PKP2: variants seen among roughly 807,000 people sequenced by gnomAD.
PKP2 encodes the protein plakophilin-2.
In PKP2, 73 loss-of-function variants were observed where a neutral mutation model predicts 83.4. The observed-to-expected ratio is 0.88, with a 90% CI of 0.72 to 1.06. The LOEUF (loss-of-function observed/expected upper bound fraction) is 1.06. Ranked by LOEUF, PKP2 falls within the 50% of genes least tolerant of loss-of-function variation. The pLI is 0.00. For missense variants in PKP2, 966 were observed against 1,065.4 expected, an observed-to-expected ratio of 0.91 and a Z score of 1.30; for synonymous variants, 409 against 430.4, an observed-to-expected ratio of 0.95 and a Z score of 0.62.
intron 9 of PKP2, among the ~76,000 whole-genome samples, chr12:32,812,114 T>C (rs1278777964): frequency 6.2e-5 from 1 of 16,172 alleles, no homozygotes; most frequent in African/African-American, 9.4e-5. Context: ...CTGGGAGGGT[T>C]TTTTTTTTTT....
At chr12:32,890,754 T>A (rs1351521946) in intron 1 of PKP2, among the ~76,000 whole-genome samples, 1 of 151,310 alleles carries the variant, frequency 6.6e-6, no homozygotes, top group East Asian at 1.9e-4. Flanking sequence ...AGGTCAGGAG[T>A]TCGAGACCAT....
chr12:32,823,448 T>C (rs1041989647), intron 7 of PKP2, among the ~76,000 whole-genome samples: 1 of 144,716 alleles, frequency 6.9e-6, no homozygotes, highest in Non-Finnish European at 1.5e-5. Context: ...AAAAGGATTA[T>C]AAAAAGAAGG....
intron 4 of PKP2, among the ~76,000 whole-genome samples, chr12:32,862,871 C>T (rs1956813157): frequency 6.6e-6 from 1 of 151,698 alleles, no homozygotes; most frequent in South Asian, 2.1e-4. Context: ...TAGTGGCGGG[C>T]ACCTGTAATT....
chr12:32,863,896 G>A (rs1489332776), intron 4 of PKP2, among the ~76,000 whole-genome samples: 2 of 152,068 alleles, frequency 1.3e-5, no homozygotes, highest in Admixed American at 6.6e-5. Context: ...TTACACAGAC[G>A]TAAAATTTCT....
Position 32,877,946 on chromosome 12 carries a change from A to G in PKP2, c.934T>C (p.Ser312Pro), listed in dbSNP as rs756604557. 4 of 1,614,174 alleles carry G rather than the reference A, an allele frequency of 2.5e-6. No homozygotes were observed. In the East Asian group the frequency reaches 8.9e-5, roughly 36 times the overall value. Reference protein sequence around the residue: ...REAGPSVAVDSSGRRAHLTVG... With the variant: ...REAGPSVAVDPSGRRAHLTVG... ...GTCAAGTGCGCTCTCCTCCCGCTGG[A>G]ATCCACGGCGACACTGGGCCCAGCT... is the stretch of plus-strand genomic sequence containing the variant. Residue 312 changes from serine (S) to proline (P), a missense_variant, in exon 3 of 13, where the codon TCC becomes CCC. Ser to Pro is a moderately conservative substitution (Grantham distance 74). Coordinates refer to ENST00000340811, the MANE Select transcript of PKP2 (RefSeq NM_001005242.3).
chr12:32,854,354 A>G (rs1362608582), intron 4 of PKP2, among the ~76,000 whole-genome samples: 1 of 152,182 alleles, frequency 6.6e-6, no homozygotes, highest in African/African-American at 2.4e-5. Flanking sequence ...AGCTCTACTT[A>G]CTGTATAACT....
At chr12:32,875,783 C>T (rs1000941031) in intron 3 of PKP2, among the ~76,000 whole-genome samples, 7 of 152,076 alleles carry the variant, frequency 4.6e-5, no homozygotes, top group Admixed American at 2.6e-4. Flanking sequence ...AAATAGTAGA[C>T]TACAGCAGGA....
At chr12:32,856,117 C>A (rs1437950428) in intron 4 of PKP2, among the ~76,000 whole-genome samples, 1 of 152,030 alleles carries the variant, frequency 6.6e-6, no homozygotes, top group African/African-American at 2.4e-5. Context: ...AATTTCTTAT[C>A]AAAAACTTGA....
chr12:32,889,620 T>C (rs1257158318), intron 1 of PKP2, among the ~76,000 whole-genome samples: 3 of 152,226 alleles, frequency 2.0e-5, no homozygotes, highest in Non-Finnish European at 4.4e-5. Flanking sequence ...ATGTATTCTG[T>C]GGCTCACCAG....
rs73303682 is a variant in PKP2 at position 32,895,367 on chromosome 12, C to A, written c.223+1142G>T. On this transcript the variant is annotated intron_variant, in intron 1 of 12. Coordinates refer to ENST00000340811, the MANE Select transcript of PKP2 (RefSeq NM_001005242.3). ...CTTTTACACACACAGTACAGCCTCC[C>A]AGACTCTGCTGTTTGAAATCTCTGG... 9.5e-3 allele frequency among the ~76,000 whole-genome samples: 1,452 copies of A among 152,254 alleles called. 25 individuals are homozygous for A. The highest frequency in any genetic ancestry group is 0.033 in the African/African-American group (1,358 of 41,530).
intron 9 of PKP2, 190 bp downstream of exon 9, chr12:32,821,166 A>G (rs1956371610): frequency 3.3e-6 from 2 of 604,820 alleles, no homozygotes; most frequent in Admixed American, 2.6e-5. Context: ...TACTGACTTG[A>G]CTTGTCAGTC....
At chr12:32,872,318 A>G (rs565566825) in intron 3 of PKP2, among the ~76,000 whole-genome samples, 54 of 152,188 alleles carry the variant, frequency 3.5e-4, no homozygotes, top group Admixed American at 2.5e-3. Context: ...GAAGCACCTG[A>G]GGTCAGGAGT....
intron 9 of PKP2, among the ~76,000 whole-genome samples, chr12:32,819,308 C>CGATAAAATAA (rs1555142768): frequency 1.0e-4 from 7 of 69,396 alleles, no homozygotes; most frequent in Non-Finnish European, 4.1e-5. Flanking sequence ...CAATACAATA[C>CGATAAAATAA]AATACAATAA....
At chr12:32,814,986 C>A (rs1006652870) in intron 9 of PKP2, among the ~76,000 whole-genome samples, 15 of 151,856 alleles carry the variant, frequency 9.9e-5, no homozygotes, top group African/African-American at 3.6e-4. Flanking sequence ...TTTCTCTCAC[C>A]CATCAAAACT....
rs755803749 is a variant in PKP2, at chr12:32,841,171, G to C, written c.1413C>G (p.Leu471=). Residue 471 remains leucine, a synonymous_variant, in exon 6 of 13, where the codon CTC becomes CTG. Coordinates refer to ENST00000340811, the MANE Select transcript of PKP2 (RefSeq NM_001005242.3). The stretch of plus-strand genomic sequence containing the variant: ...ATGCTTCTGTTATCATGAGATTCTT[G>C]AGTTTGTCATTAGATGACAAATTCC... ...LLWNLSSNDK[L]KNLMITEALL... 1.9e-6 allele frequency: 3 copies of C among 1,613,664 alleles called. No homozygotes were observed. The East Asian group carries it at 6.7e-5, about 36-fold the overall frequency.
At chr12:32,885,276 A>G in intron 1 of PKP2, among the ~76,000 whole-genome samples, 1 of 152,210 alleles carries the variant, frequency 6.6e-6, no homozygotes, top group Non-Finnish European at 1.5e-5. Context: ...TATGATTCCT[A>G]AGCAGCTGTT....
intron 1 of PKP2, 120 bp downstream of exon 1, chr12:32,896,389 G>GC (rs1246925861): frequency 2.8e-6 from 2 of 704,352 alleles, no homozygotes; most frequent in Non-Finnish European, 4.4e-6. Context: ...AAGACGGCGA[G>GC]CAACAGGTGG....
intron 1 of PKP2, among the ~76,000 whole-genome samples, chr12:32,891,928 T>C (rs947248939): frequency 3.3e-5 from 5 of 152,322 alleles, no homozygotes; most frequent in African/African-American, 7.2e-5. Flanking sequence ...TCACTTACTA[T>C]AATCAGAAGG....
intron 4 of PKP2, among the ~76,000 whole-genome samples, chr12:32,855,120 T>C (rs924554312): frequency 4.6e-5 from 7 of 152,244 alleles, no homozygotes; most frequent in African/African-American, 1.7e-4. Context: ...AATATTCACT[T>C]CTAGTAACTT....
Sources: gnomAD v4.1 joint callset for allele counts (sites outside exome capture counted in the v4.1 genomes callset) on GRCh38, gnomAD v4.1.1 for gene constraint, MANE v1.5 for transcripts, NCBI Gene and HGNC (gene_info 2026-07-23, HGNC 2026-07-21) for gene names.